SLC5A1: variants seen among roughly 807,000 people sequenced by gnomAD.
SLC5A1 encodes sodium/glucose cotransporter 1.
In SLC5A1, 42 loss-of-function variants were observed where a neutral mutation model predicts 73.5. The observed-to-expected ratio is 0.57, with a 90% CI of 0.45 to 0.74. The LOEUF (loss-of-function observed/expected upper bound fraction) is 0.74. Ranked by LOEUF, SLC5A1 falls within the 30% of genes least tolerant of loss-of-function variation. The pLI is 0.00. For synonymous variants in SLC5A1, 300 were observed against 317.4 expected, an observed-to-expected ratio of 0.95 and a Z score of 0.58; for missense variants, 634 against 855.4, an observed-to-expected ratio of 0.74 and a Z score of 3.23.
intron 1 of SLC5A1, among the ~76,000 whole-genome samples, chr22:32,047,677 G>A (rs896604928): frequency 1.3e-5 from 2 of 152,322 alleles, no homozygotes; most frequent in African/African-American, 4.8e-5. Context: ...TAATGGCCCT[G>A]CTTCCTAAAG....
At position 32,103,762 on chromosome 22, in the gene SLC5A1, A is replaced by G. The variant is rs541814286; in HGVS notation, c.1666-1024A>G. On this transcript the variant is annotated intron_variant, in intron 13 of 14. Transcript: ENST00000266088. ...CAAATTAGTCCACCAAAAATTGACC[A>G]TAGGATGTAAAACATTTCTAACAAT... is the stretch of plus-strand genomic sequence containing the variant. Among the ~76,000 whole-genome samples the G allele has an allele frequency of 8.5e-4, 129 of 152,344 alleles. 1 individual carries two copies. The highest frequency in any genetic ancestry group is 3.0e-3 in the African/African-American group (124 of 41,578).
At chr22:32,056,494 T>G (rs2093952174) in intron 2 of SLC5A1, among the ~76,000 whole-genome samples, 1 of 149,980 alleles carries the variant, frequency 6.7e-6, no homozygotes, top group African/African-American at 2.5e-5. Context: ...GGGACATACT[T>G]ATGCTACAAA....
intron 5 of SLC5A1, among the ~76,000 whole-genome samples, chr22:32,080,567 C>T (rs892538617): frequency 2.0e-5 from 3 of 152,156 alleles, no homozygotes; most frequent in Non-Finnish European, 2.9e-5. Flanking sequence ...GAGTCCAACC[C>T]TGCTGGCCCA....
intron 12 of SLC5A1, among the ~76,000 whole-genome samples, chr22:32,101,064 T>C (rs911201959): frequency 4.6e-5 from 7 of 152,206 alleles, no homozygotes; most frequent in Admixed American, 3.3e-4. Flanking sequence ...TTCTCCCAGA[T>C]AGAATGAGCT....
chr22:32,086,695 CA>C (rs1460809517), intron 10 of SLC5A1, among the ~76,000 whole-genome samples: 2 of 151,822 alleles, frequency 1.3e-5, no homozygotes, highest in Non-Finnish European at 1.5e-5. Context: ...GGTGGTCCCT[CA>C]AAAAATTAAA....
At chr22:32,095,461 T>C (rs910392123) in intron 11 of SLC5A1, among the ~76,000 whole-genome samples, 1 of 152,228 alleles carries the variant, frequency 6.6e-6, no homozygotes, top group Non-Finnish European at 1.5e-5. Flanking sequence ...TCCAGTATTA[T>C]TGTGTTGCTT....
chr22:32,099,841 C>T (rs1487791073), intron 12 of SLC5A1, among the ~76,000 whole-genome samples: 1 of 152,242 alleles, frequency 6.6e-6, no homozygotes, highest in Non-Finnish European at 1.5e-5. Context: ...GTGAACTCGG[C>T]TTTCCAGCCA....
intron 3 of SLC5A1, 130 bp downstream of exon 3, chr22:32,067,169 G>A: frequency 4.2e-6 from 3 of 721,192 alleles, no homozygotes; most frequent in African/African-American, 1.7e-5. Flanking sequence ...GCAGACAGAG[G>A]AGGGGCATGA....
intron 5 of SLC5A1, among the ~76,000 whole-genome samples, chr22:32,074,066 G>A (rs2093986981): frequency 1.3e-5 from 2 of 152,106 alleles, no homozygotes; most frequent in African/African-American, 4.8e-5. Context: ...CAATGAGCAG[G>A]AGGGTGGTAC....
At chr22:32,071,960 G>A (rs559650291) in intron 5 of SLC5A1, among the ~76,000 whole-genome samples, 5 of 152,062 alleles carry the variant, frequency 3.3e-5, no homozygotes, top group South Asian at 4.2e-4. Flanking sequence ...AAGCACTCAC[G>A]GACCTAACAC....
At chr22:32,097,089 G>A (rs995320795) in intron 11 of SLC5A1, among the ~76,000 whole-genome samples, 36 of 152,326 alleles carry the variant, frequency 2.4e-4, no homozygotes, top group Middle Eastern at 3.4e-3. Context: ...TTGTTGCCTC[G>A]TTAGGGATGA....
intron 9 of SLC5A1, 49 bp from the exon 10 acceptor site, chr22:32,086,171 A>G: frequency 8.3e-7 from 1 of 1,198,834 alleles, no homozygotes; most frequent in Non-Finnish European, 1.2e-6. Context: ...AATTTTGGAA[A>G]TATTTCCCCA....
At chr22:32,060,348 C>G (rs1045368218) in intron 2 of SLC5A1, among the ~76,000 whole-genome samples, 1 of 152,020 alleles carries the variant, frequency 6.6e-6, no homozygotes, top group Admixed American at 6.6e-5. Flanking sequence ...CCTACCACTA[C>G]GTCTGGCTAA....
At chr22:32,086,090 G>A (rs1293554480) in intron 9 of SLC5A1, 130 bp from the exon 10 acceptor site, 16 of 680,440 alleles carry the variant, frequency 2.4e-5, no homozygotes, top group Middle Eastern at 5.0e-4. Context: ...GCAGTGAGCC[G>A]AGATCGTGCC....
At chr22:32,054,133 A>G (rs920777277) in intron 2 of SLC5A1, among the ~76,000 whole-genome samples, 1 of 152,198 alleles carries the variant, frequency 6.6e-6, no homozygotes, top group Admixed American at 6.5e-5. Flanking sequence ...AGATCGCACC[A>G]TTGCACTCCA....
intron 5 of SLC5A1, among the ~76,000 whole-genome samples, chr22:32,074,688 G>A (rs984049029): frequency 1.3e-5 from 2 of 152,262 alleles, no homozygotes; most frequent in African/African-American, 4.8e-5. Flanking sequence ...AAGTGAAGGA[G>A]GCTGAATCAT....
At chr22:32,090,984 C>A (rs1223538621) in intron 10 of SLC5A1, among the ~76,000 whole-genome samples, 1 of 152,062 alleles carries the variant, frequency 6.6e-6, no homozygotes, top group Non-Finnish European at 1.5e-5. Flanking sequence ...GATTTGAATT[C>A]CCCTGATGTC....
intron 11 of SLC5A1, among the ~76,000 whole-genome samples, chr22:32,093,774 G>T (rs1045447960): frequency 3.9e-5 from 6 of 152,006 alleles, no homozygotes; most frequent in African/African-American, 1.4e-4. Flanking sequence ...GTATATGATT[G>T]TATCATCAGC....
In SLC5A1 at chr22:32,102,102, C is replaced by G. The variant is rs199831593; in HGVS notation, c.1530C>G (p.Ser510Arg). 1 of 1,613,904 alleles carries G rather than the reference C, an allele frequency of 6.2e-7. No homozygotes were observed. Among genetic ancestry groups the G allele is most frequent in the Admixed American group, 1.7e-5 (1 of 59,978 alleles). ...CTGAGTTTGCTTATGGAACCGGGAG[C>G]TGCATGGAGCCCAGCAACTGTCCCA... ...MITEFAYGTG[S>R]CMEPSNCPTI... is the part of the protein sequence containing the mutation. Residue 510 changes from serine to arginine, a missense_variant, in exon 13 of 15, where the codon AGC becomes AGG. This residue lies in a region of SLC5A1 where 422 missense variants were observed against 626.1 expected (regional missense o/e 0.67). Coordinates refer to ENST00000266088, the MANE Select transcript of SLC5A1 (RefSeq NM_000343.4).
Sources: allele counts gnomAD v4.1 joint callset (sites outside exome capture counted in the v4.1 genomes callset), GRCh38; gene constraint gnomAD v4.1.1; regional missense constraint gnomAD v4.1.1; transcripts MANE v1.5; gene names NCBI Gene and HGNC (gene_info 2026-07-23, HGNC 2026-07-21).